Variants in THUMPD2 observed in about 807,000 individuals in gnomAD.
THUMPD2 encodes the protein U6 snRNA (guanine-N(2))-methyltransferase THUMPD2.
Under a neutral mutation model 49.4 loss-of-function variants are expected in THUMPD2, and 56 were observed. The ratio of observed to expected loss-of-function variants is 1.13; its 90% CI spans 0.91 to 1.41. The LOEUF (loss-of-function observed/expected upper bound fraction) is 1.41, where lower values mean the gene tolerates loss of function less well. Ranked by LOEUF, THUMPD2 falls within the 40% of genes most tolerant of loss-of-function variation. The pLI, the probability that THUMPD2 is intolerant of heterozygous loss-of-function variation, is 0.00. For missense variants in THUMPD2, 709 were observed against 594.5 expected (o/e 1.19, Z -2.00); for synonymous variants, 237 against 205.2 (o/e 1.15, Z -1.32).
At position 39,739,982 on chromosome 2, in the gene THUMPD2, G is replaced by GT. The variant is rs144406501; in HGVS notation, c.1188-2924dup. 8.8e-3 allele frequency among the ~76,000 whole-genome samples: 1,341 copies of GT among 152,292 alleles called. 24 individuals carry two copies. Among genetic ancestry groups the GT allele is most frequent in the African/African-American group, 0.031 (1,273 of 41,562 alleles). On this transcript the variant is annotated intron_variant, in intron 9 of 9. Coordinates refer to ENST00000505747, the MANE Select transcript of THUMPD2 (RefSeq NM_025264.5). ...ATCCTAAGAAGATGTAATAGTAGTA[G>GT]TAGTAGAATAACAGTGATAATAATG...
rs183237227 is a variant in THUMPD2 at position 39,753,887 on chromosome 2, A to G, written c.1078+1408T>C. Among the ~76,000 whole-genome samples, 52 of 152,274 alleles carry G rather than the reference A, an allele frequency of 3.4e-4. No individual in the cohort carries two copies. The East Asian group carries it at 7.9e-3, about 23-fold the overall frequency. On this transcript the variant is annotated intron_variant, in intron 8 of 9. Coordinates refer to ENST00000505747, the MANE Select transcript of THUMPD2 (RefSeq NM_025264.5). ...TCTCTGTTACTGTCCTTCCCTCACT[A>G]AAGTCTAAGAGGAATCCTTTCAAAA...
intron 4 of THUMPD2, among the ~76,000 whole-genome samples, chr2:39,767,401 G>A (rs1364801738): frequency 4.0e-5 from 6 of 151,328 alleles, no homozygotes; most frequent in Admixed American, 2.0e-4. Flanking sequence ...TCAGGAGATC[G>A]AGACCATCCC....
At chr2:39,758,917 G>A (rs1433798383) in intron 6 of THUMPD2, among the ~76,000 whole-genome samples, 1 of 152,018 alleles carries the variant, frequency 6.6e-6, no homozygotes, top group Non-Finnish European at 1.5e-5. Flanking sequence ...TAAAAGAAGA[G>A]CTTTCAGAGA....
chr2:39,755,336 C>T lies in THUMPD2; in HGVS notation c.1037G>A (p.Gly346Asp), dbSNP rs1257118340. Residue 346 changes from glycine to aspartate, a missense_variant, in exon 8 of 10, where the codon GGC becomes GAC. Gly to Asp is a moderately conservative substitution (Grantham distance 94, BLOSUM62 -1). Transcript: ENST00000505747. ...AAGTAATTCAATTTTATCCTCAAGG[C>T]CTGCAGCTTTCAGATTGTCCCAAGT... Reference protein sequence around the residue: ...LGTWDNLKAAGLEDKIELLKI... With the variant: ...LGTWDNLKAADLEDKIELLKI... The T allele has an allele frequency of 6.5e-7, 1 of 1,547,094 alleles. No homozygotes were observed.
At chr2:39,745,070 C>T (rs1213015829) in intron 8 of THUMPD2, among the ~76,000 whole-genome samples, 2 of 152,118 alleles carry the variant, frequency 1.3e-5, no homozygotes, top group Non-Finnish European at 2.9e-5. Flanking sequence ...TCAGAAGTTA[C>T]GTTATCAGAA....
chr2:39,766,223 C>T (rs544854961), intron 4 of THUMPD2, 114 bp from the exon 5 acceptor site: 6 of 692,804 alleles, frequency 8.7e-6, no homozygotes, highest in East Asian at 3.2e-5. Context: ...AAAGAAACTC[C>T]AAGGCCTTAT....
intron 7 of THUMPD2, 73 bp downstream of exon 7, chr2:39,755,810 TTGTAAA>T: frequency 8.5e-7 from 1 of 1,174,974 alleles, no homozygotes. Flanking sequence ...GACATTCTAC[TTGTAAA>T]TAATTGGTGA....
chr2:39,741,828 A>G (rs770397933), intron 9 of THUMPD2, among the ~76,000 whole-genome samples: 1 of 151,980 alleles, frequency 6.6e-6, no homozygotes, highest in Non-Finnish European at 1.5e-5. Flanking sequence ...TCCATTTTCT[A>G]TCTAGGGCCT....
At chr2:39,756,460 G>A (rs1176579179) in intron 6 of THUMPD2, among the ~76,000 whole-genome samples, 7 of 147,732 alleles carry the variant, frequency 4.7e-5, no homozygotes, top group South Asian at 4.3e-4. Flanking sequence ...GCGACAGAGC[G>A]AGACTCCATC....
chr2:39,738,604 T>A (rs61093383), intron 9 of THUMPD2, among the ~76,000 whole-genome samples: 79,595 of 138,606 alleles, frequency 0.57, 22,059 homozygotes, highest in East Asian at 0.83. Context: ...TATGTAAAAA[T>A]ATATATATAA....
In THUMPD2 at chr2:39,769,879, T is replaced by G. The variant is rs141670415; in HGVS notation, c.503A>C (p.Lys168Thr). ...NRDCQLEKQI[K>T]EETLEQRDFT... is the part of the protein sequence containing the mutation. ...ATCTCTTTGCTCCAGAGTTTCTTCT[T>G]TTATTTGTTTTTCCAGCTGGCAGTC... The change falls in exon 3 of 10, where the codon AAA (lysine) becomes ACA (threonine). Residue 168 changes from lysine (K) to threonine (T), a missense_variant. Transcript: ENST00000505747. The G allele has an allele frequency of 1.4e-5, 22 of 1,600,258 alleles. No homozygotes were observed. The highest frequency in any genetic ancestry group is 2.7e-5 in the African/African-American group (2 of 73,524).
chr2:39,771,587 C>T lies in THUMPD2; in HGVS notation c.180G>A (p.Met60Ile), dbSNP rs1335787294. ...VFFTTCSDLN[M>I]LKKLKSAERL... ...TTTCTGCAGATTTTAATTTCTTCAACATATTCAAATCAGAACAGGTGGTGA... is the reference window on the plus strand; with the variant it reads ...TTTCTGCAGATTTTAATTTCTTCAATATATTCAAATCAGAACAGGTGGTGA... The change falls in exon 2 of 10, where the codon ATG becomes ATA. Residue 60 changes from methionine to isoleucine, a missense_variant. Transcript: ENST00000505747. The T allele has an allele frequency of 1.2e-6, 2 of 1,605,458 alleles. No homozygotes were observed. Among genetic ancestry groups the T allele is most frequent in the Admixed American group, 1.7e-5 (1 of 57,990 alleles).
intron 1 of THUMPD2, among the ~76,000 whole-genome samples, chr2:39,774,846 C>A (rs1402949565): frequency 6.6e-6 from 1 of 152,020 alleles, no homozygotes; most frequent in Admixed American, 6.6e-5. Context: ...TATCTAAAAA[C>A]AGCTGGTTTT....
chr2:39,741,288 C>T (rs1470197578), intron 9 of THUMPD2, among the ~76,000 whole-genome samples: 3 of 152,174 alleles, frequency 2.0e-5, no homozygotes, highest in Admixed American at 6.5e-5. Context: ...TAACCACCTA[C>T]TATAAATCCT....
chr2:39,750,941 AAG>A (rs755910389), intron 8 of THUMPD2, among the ~76,000 whole-genome samples: 2 of 152,250 alleles, frequency 1.3e-5, no homozygotes, highest in Non-Finnish European at 1.5e-5. Context: ...TTGCTTCTGA[AAG>A]AGTTTGTTAC....
chr2:39,755,035 T>TA, intron 8 of THUMPD2, among the ~76,000 whole-genome samples: 1 of 23,820 alleles, frequency 4.2e-5, no homozygotes, highest in South Asian at 1.4e-3. Context: ...GATGCAACAC[T>TA]TTTTTTTTCT....
intron 1 of THUMPD2, among the ~76,000 whole-genome samples, chr2:39,775,587 T>A (rs1678964429): frequency 6.6e-6 from 1 of 151,848 alleles, no homozygotes; most frequent in Non-Finnish European, 1.5e-5. Flanking sequence ...CTGGCCAACA[T>A]GTTTAGCAGA....
intron 9 of THUMPD2, among the ~76,000 whole-genome samples, chr2:39,743,759 T>C (rs149179184): frequency 1.8e-4 from 27 of 152,330 alleles, no homozygotes; most frequent in Admixed American, 4.6e-4. Context: ...ACTGAGCAGA[T>C]AGATGCTGGC....
In THUMPD2 at chr2:39,771,437, C is replaced by T. The variant is rs577416773; in HGVS notation, c.262+68G>A. On this transcript the variant is annotated intron_variant, in intron 2 of 9. Coordinates refer to ENST00000505747, the MANE Select transcript of THUMPD2 (RefSeq NM_025264.5). ...AAAGTGTAAAATGGCTACATATTATCAAGCAGAAAATGTTGGAGTACAATG... is the reference window on the plus strand; with the variant it reads ...AAAGTGTAAAATGGCTACATATTATTAAGCAGAAAATGTTGGAGTACAATG... 45 of 1,472,240 alleles carry T rather than the reference C, an allele frequency of 3.1e-5. No individual in the cohort carries two copies. In the South Asian group the frequency reaches 6.3e-4, roughly 21 times the overall value. 91.2% of individuals were successfully genotyped at this position (1,472,240 alleles called of 1,614,324 possible).
Sources: allele counts gnomAD v4.1 joint callset (sites outside exome capture counted in the v4.1 genomes callset), GRCh38; gene constraint gnomAD v4.1.1; transcripts MANE v1.5; gene names NCBI Gene and HGNC (gene_info 2026-07-23, HGNC 2026-07-21).